GALNT13: variants seen among roughly 807,000 people sequenced by gnomAD.
GALNT13 encodes the protein polypeptide N-acetylgalactosaminyltransferase 13, also known as UDP-GalNAc:polypeptide N-acetylgalactosaminyltransferase 13.
In GALNT13, 28 loss-of-function variants were observed where a neutral mutation model predicts 64.2. The ratio of observed to expected loss-of-function variants is 0.44; its 90% CI spans 0.32 to 0.60. The LOEUF (loss-of-function observed/expected upper bound fraction) is 0.60. Ranked by LOEUF, GALNT13 falls within the 20% of genes least tolerant of loss-of-function variation. The pLI is 0.05. For synonymous variants in GALNT13, 214 were observed against 224.6 expected (o/e 0.95, Z 0.42); for missense variants, 577 against 669.8 (o/e 0.86, Z 1.53).
At chr2:153,427,666 T>C in the GALNT13 span, among the ~76,000 whole-genome samples, 2 of 152,174 alleles carry the variant, frequency 1.3e-5, no homozygotes, top group African/African-American at 2.4e-5. Flanking sequence ...ATTTGACATA[T>C]TGTTTGCATC....
the GALNT13 span, among the ~76,000 whole-genome samples, chr2:153,592,492 C>T: frequency 3.3e-5 from 5 of 152,150 alleles, no homozygotes; most frequent in African/African-American, 1.2e-4. Context: ...GGCATATACC[C>T]ACTATGGATT....
At chr2:154,342,805 A>G (rs986874147) in intron 9 of GALNT13, among the ~76,000 whole-genome samples, 1 of 149,260 alleles carries the variant, frequency 6.7e-6, no homozygotes, top group Non-Finnish European at 1.5e-5. Flanking sequence ...AGTAAAGTGT[A>G]TTATATAATT....
the GALNT13 span, among the ~76,000 whole-genome samples, chr2:153,297,748 A>T: frequency 6.6e-6 from 1 of 152,228 alleles, no homozygotes; most frequent in Non-Finnish European, 1.5e-5. Flanking sequence ...AAATTGTTGC[A>T]GTGCAGTTGC....
chr2:154,365,048 A>G (rs756023858), intron 9 of GALNT13, among the ~76,000 whole-genome samples: 2 of 152,236 alleles, frequency 1.3e-5, no homozygotes, highest in Admixed American at 6.5e-5. Flanking sequence ...AGCACCTACT[A>G]GACAAACTAG....
chr2:154,044,100 A>G lies in GALNT13; in HGVS notation c.143-96237A>G, dbSNP rs144770819. ...AAAATAAAAAATAAAAAATAAAAAA[A>G]TATAAGATTTGGGCTTAGTAAATAT... On this transcript the variant is annotated intron_variant, in intron 3 of 12. Transcript: ENST00000392825. Among the ~76,000 whole-genome samples, 50 of 152,106 alleles carry G rather than the reference A, an allele frequency of 3.3e-4. No homozygotes were observed. In the East Asian group the frequency reaches 9.5e-3, roughly 29 times the overall value.
In GALNT13 at chr2:154,013,892, C is replaced by T. The variant is rs144154377; in HGVS notation, c.142+69253C>T. Among the ~76,000 whole-genome samples the T allele has an allele frequency of 2.6e-5, 4 of 152,208 alleles. No individual in the cohort carries two copies. The South Asian group carries it at 6.2e-4, about 24-fold the overall frequency. On this transcript the variant is annotated intron_variant, in intron 3 of 12. Coordinates refer to ENST00000392825, the MANE Select transcript of GALNT13 (RefSeq NM_052917.4). Reference sequence around the variant, plus strand: ...GAGGCTGTGGGTGGGCTGGTTTTGTCGGCAGAGTCCGGTCTGCTGGACTTC... The same window carrying T: ...GAGGCTGTGGGTGGGCTGGTTTTGTTGGCAGAGTCCGGTCTGCTGGACTTC...
intron 4 of GALNT13, among the ~76,000 whole-genome samples, chr2:154,223,635 G>C (rs1440910568): frequency 6.6e-6 from 1 of 151,536 alleles, no homozygotes; most frequent in Non-Finnish European, 1.5e-5. Context: ...ATTTTTAGTA[G>C]AGACAGGGTT....
At chr2:153,154,747 GC>G in the GALNT13 span, among the ~76,000 whole-genome samples, 3 of 152,086 alleles carry the variant, frequency 2.0e-5, no homozygotes, top group African/African-American at 7.2e-5. Flanking sequence ...GATTGCCCTG[GC>G]CAGAACTTCC....
At chr2:153,783,738 T>A in the GALNT13 span, among the ~76,000 whole-genome samples, 1 of 152,192 alleles carries the variant, frequency 6.6e-6, no homozygotes, top group Non-Finnish European at 1.5e-5. Flanking sequence ...TCATGAGATC[T>A]GATGGCTTTA....
the GALNT13 span, among the ~76,000 whole-genome samples, chr2:153,258,583 A>G: frequency 4.5e-4 from 69 of 152,274 alleles, no homozygotes; most frequent in East Asian, 9.8e-3. Context: ...GTTTTGATGT[A>G]GGTGCTTATT....
At chr2:153,405,016 C>T in the GALNT13 span, among the ~76,000 whole-genome samples, 1 of 152,182 alleles carries the variant, frequency 6.6e-6, no homozygotes, top group Non-Finnish European at 1.5e-5. Flanking sequence ...TGGGTGCTTA[C>T]ATACTACTGC....
chr2:154,389,391 G>A (rs550563687), intron 9 of GALNT13, among the ~76,000 whole-genome samples: 29 of 152,132 alleles, frequency 1.9e-4, no homozygotes, highest in East Asian at 3.9e-4. Flanking sequence ...TGCCCACCTC[G>A]GCCTCCAAAA....
intron 3 of GALNT13, among the ~76,000 whole-genome samples, chr2:154,064,492 G>A (rs775944439): frequency 5.3e-5 from 8 of 152,100 alleles, no homozygotes; most frequent in Non-Finnish European, 8.8e-5. Flanking sequence ...TTAAGGAGAG[G>A]AGAGGGAAGA....
chr2:153,353,705 A>T, the GALNT13 span, among the ~76,000 whole-genome samples: 1 of 152,066 alleles, frequency 6.6e-6, no homozygotes, highest in Admixed American at 6.6e-5. Context: ...CATTGATAGG[A>T]TCATGTGATA....
At chr2:154,178,849 T>A (rs1685802118) in intron 4 of GALNT13, among the ~76,000 whole-genome samples, 2 of 152,182 alleles carry the variant, frequency 1.3e-5, no homozygotes, top group South Asian at 4.1e-4. Flanking sequence ...GTGGCTCCCT[T>A]CCTAACATCT....
the GALNT13 span, among the ~76,000 whole-genome samples, chr2:153,629,219 C>G: frequency 6.8e-6 from 1 of 146,960 alleles, no homozygotes; most frequent in Non-Finnish European, 1.5e-5. Context: ...TTTTTTGCAT[C>G]TATATTGCAT....
intron 7 of GALNT13, among the ~76,000 whole-genome samples, chr2:154,250,001 T>C (rs1573953913): frequency 1.3e-5 from 2 of 152,194 alleles, no homozygotes; most frequent in East Asian, 3.9e-4. Context: ...ATCATTCTAG[T>C]GTGATCATAG....
At chr2:153,496,811 C>A in the GALNT13 span, among the ~76,000 whole-genome samples, 1 of 151,680 alleles carries the variant, frequency 6.6e-6, no homozygotes, top group South Asian at 2.1e-4. Context: ...CATAGTGAAA[C>A]CCCATCGCTA....
intron 12 of GALNT13, chr2:154,446,429 A>G: frequency 1.1e-6 from 1 of 898,264 alleles, no homozygotes; most frequent in Non-Finnish European, 1.5e-6. Context: ...AATGTGGCTC[A>G]CAGCTCCATG....
Sources: allele counts gnomAD v4.1 joint callset (sites outside exome capture counted in the v4.1 genomes callset), GRCh38; gene constraint gnomAD v4.1.1; transcripts MANE v1.5; gene names NCBI Gene and HGNC (gene_info 2026-07-23, HGNC 2026-07-21).